DAPK1: variants seen among roughly 807,000 people sequenced by gnomAD.
DAPK1 encodes the protein death-associated protein kinase 1.
DAPK1 carries 56 observed loss-of-function variants against 144.9 expected under a neutral mutation model. The ratio of observed to expected loss-of-function variants is 0.39; its 90% CI spans 0.31 to 0.48. DAPK1 has a LOEUF of 0.48. DAPK1 is among the 20% of genes least tolerant of loss of function. The pLI, the probability that DAPK1 is intolerant of heterozygous loss-of-function variation, is 0.95. For synonymous variants in DAPK1, 690 were observed against 749.0 expected (o/e 0.92, Z 1.29); for missense variants, 1,454 against 1,875.4 (o/e 0.78, Z 4.15).
At chr9:87,600,751 G>T (rs1828486884) in intron 2 of DAPK1, among the ~76,000 whole-genome samples, 1 of 152,168 alleles carries the variant, frequency 6.6e-6, no homozygotes, top group South Asian at 2.1e-4. Flanking sequence ...CCATTGAACA[G>T]CCCCAGCTGT....
chr9:87,550,557 C>G (rs1826439154), intron 2 of DAPK1, among the ~76,000 whole-genome samples: 1 of 152,240 alleles, frequency 6.6e-6, no homozygotes, highest in African/African-American at 2.4e-5. Flanking sequence ...GACCTATGGT[C>G]CTCCTAAGGA....
chr9:87,666,536 C>T (rs559440622), intron 18 of DAPK1, among the ~76,000 whole-genome samples: 2 of 150,286 alleles, frequency 1.3e-5, no homozygotes, highest in East Asian at 2.0e-4. Flanking sequence ...TGCAGTGGCA[C>T]GATCTTGGCT....
rs1004148332 is a variant in DAPK1 at position 87,631,163 on chromosome 9, T to C, written c.285-6780T>C. ...TTCCACTCTGAAGAATCCTAATGTTTGCCTTGAAATTGGCCTCATGGGGTA... is the reference window on the plus strand; with the variant it reads ...TTCCACTCTGAAGAATCCTAATGTTCGCCTTGAAATTGGCCTCATGGGGTA... On this transcript the variant is annotated intron_variant, in intron 3 of 25. Coordinates refer to ENST00000408954, the MANE Select transcript of DAPK1 (RefSeq NM_004938.4). 9.2e-5 allele frequency among the ~76,000 whole-genome samples: 14 copies of C among 152,282 alleles called. No homozygotes were observed. In the East Asian group the frequency reaches 2.7e-3, roughly 29 times the overall value.
chr9:87,630,527 T>C (rs1446816266), intron 3 of DAPK1, among the ~76,000 whole-genome samples: 5 of 152,140 alleles, frequency 3.3e-5, no homozygotes, highest in African/African-American at 1.2e-4. Flanking sequence ...TGTGTTCTGG[T>C]GGCCAAAGAG....
intron 2 of DAPK1, among the ~76,000 whole-genome samples, chr9:87,535,558 T>C (rs1055231760): frequency 6.6e-6 from 1 of 152,196 alleles, no homozygotes; most frequent in African/African-American, 2.4e-5. Flanking sequence ...AATGTAATAC[T>C]GTCTATAAAT....
At chr9:87,522,536 A>G (rs1192543664) in intron 2 of DAPK1, among the ~76,000 whole-genome samples, 8 of 152,122 alleles carry the variant, frequency 5.3e-5, no homozygotes, top group East Asian at 1.9e-4. Context: ...ACTGTCATTT[A>G]TTTAACCCTT....
chr9:87,686,923 T>A lies in DAPK1; in HGVS notation c.2413+184T>A. 1.1e-6 allele frequency: 1 copy of A among 905,326 alleles called. No homozygotes were observed. Among genetic ancestry groups the A allele is most frequent in the Non-Finnish European group, 1.3e-6 (1 of 756,890 alleles). 56.1% of individuals were successfully genotyped at this position (905,326 alleles called of 1,614,324 possible). A position where few individuals can be genotyped will look rare whatever the true frequency, so the allele number is the denominator to read the frequency against. On this transcript the variant is annotated intron_variant, in intron 21 of 25. Coordinates refer to ENST00000408954, the MANE Select transcript of DAPK1 (RefSeq NM_004938.4). This position sits in a 1 kb window ranked among gnomAD's most constrained non-coding sequence, Gnocchi z 4.2. ...GGCTACCATCCCTAAACAGTGAAAT[T>A]AAACACTGGGGTATTGTCAGCGCCT...
At chr9:87,597,662 G>A (rs1293566597) in intron 2 of DAPK1, among the ~76,000 whole-genome samples, 3 of 152,116 alleles carry the variant, frequency 2.0e-5, no homozygotes, top group Admixed American at 6.5e-5. Context: ...GGGAAACTGA[G>A]GCTCACAGAG....
chr9:87,576,521 T>G (rs919029724), intron 2 of DAPK1, among the ~76,000 whole-genome samples: 3 of 152,176 alleles, frequency 2.0e-5, no homozygotes, highest in Admixed American at 1.3e-4. Flanking sequence ...AGCTGCCTGT[T>G]ACTGATAAAT....
chr9:87,571,469 A>ACC (rs1564000772), intron 2 of DAPK1, among the ~76,000 whole-genome samples: 1 of 54,498 alleles, frequency 1.8e-5, no homozygotes, highest in Non-Finnish European at 3.4e-5. Context: ...ACACACACAC[A>ACC]CACACCAACA....
chr9:87,520,262 C>T (rs1431960265), intron 2 of DAPK1, among the ~76,000 whole-genome samples: 1 of 152,130 alleles, frequency 6.6e-6, no homozygotes, highest in African/African-American at 2.4e-5. Context: ...GAAAAATAGG[C>T]TTCTGGTGCT....
chr9:87,672,122 C>T (rs1439828802), intron 19 of DAPK1, among the ~76,000 whole-genome samples: 1 of 152,162 alleles, frequency 6.6e-6, no homozygotes. Flanking sequence ...TTGCACACTG[C>T]CTGCACACAG....
intron 2 of DAPK1, among the ~76,000 whole-genome samples, chr9:87,508,632 G>T (rs1165925763): frequency 6.6e-6 from 1 of 152,108 alleles, no homozygotes; most frequent in Non-Finnish European, 1.5e-5. Flanking sequence ...GTGAGCCACC[G>T]TGCCCGGCCA....
chr9:87,703,850 A>ATGCC (rs769251265), intron 25 of DAPK1, among the ~76,000 whole-genome samples: 10 of 152,244 alleles, frequency 6.6e-5, no homozygotes, highest in Non-Finnish European at 1.2e-4. Flanking sequence ...ATGGCATCAT[A>ATGCC]TGCCTGTCCC....
In DAPK1 at chr9:87,650,220, T is replaced by C; in HGVS notation, c.1626+102T>C. The C allele has an allele frequency of 4.4e-6, 5 of 1,134,258 alleles. No individual in the cohort carries two copies. The South Asian group carries it at 5.3e-5, about 12-fold the overall frequency. The allele number at this position is 1,134,258 out of a possible 1,614,324, so 70.3% of individuals were successfully genotyped here. A position where few individuals can be genotyped will look rare whatever the true frequency, so the allele number is the denominator to read the frequency against. ...GTTTCCCTAAGATAACAAACTTGAATGCAGCAAACTGTAATTACCCCGTCT... is the reference window on the plus strand; with the variant it reads ...GTTTCCCTAAGATAACAAACTTGAACGCAGCAAACTGTAATTACCCCGTCT... On this transcript the variant is annotated intron_variant, in intron 16 of 25. Transcript: ENST00000408954.
At chr9:87,672,814 G>A (rs778827074) in intron 19 of DAPK1, among the ~76,000 whole-genome samples, 9 of 152,150 alleles carry the variant, frequency 5.9e-5, no homozygotes, top group East Asian at 5.8e-4. Flanking sequence ...GAGCTGTCGC[G>A]GCAGCTTCCT....
intron 3 of DAPK1, among the ~76,000 whole-genome samples, chr9:87,621,151 T>G (rs2119040757): frequency 6.6e-6 from 1 of 152,340 alleles, no homozygotes; most frequent in East Asian, 1.9e-4. Context: ...GGAGCAAGGA[T>G]TCCCTCCCTT....
upstream of DAPK1, chr9:87,497,356 T>G (rs1225108944): frequency 6.6e-6 from 1 of 152,264 alleles, no homozygotes; most frequent in African/African-American, 2.4e-5. Context: ...GTGGTAAACG[T>G]AGGACTGATC....
rs191659167 is a variant in DAPK1, at chr9:87,556,733, C to T, written c.63-48221C>T. On this transcript the variant is annotated intron_variant, in intron 2 of 25. Transcript: ENST00000408954. ...TCCAGGAGCTCGCTGGAGAACATAT[C>T]GAGGCCTGTGTGGCTCCTCAGCCCA... Among the ~76,000 whole-genome samples the T allele has an allele frequency of 3.4e-3, 513 of 152,314 alleles. 4 individuals carry two copies. The highest frequency in any genetic ancestry group is 0.012 in the African/African-American group (490 of 41,572).
Sources: gnomAD v4.1 joint callset for allele counts (sites outside exome capture counted in the v4.1 genomes callset) on GRCh38, gnomAD v4.1.1 for gene constraint, Gnocchi (gnomAD v3.1) non-coding constraint, MANE v1.5 for transcripts, NCBI Gene and HGNC (gene_info 2026-07-23, HGNC 2026-07-21) for gene names.